PRDM12: variants seen among roughly 807,000 people sequenced by gnomAD.
PRDM12 encodes PR domain zinc finger protein 12.
In PRDM12, 17 loss-of-function variants were observed where a neutral mutation model predicts 29.6. The observed-to-expected ratio is 0.57, with a 90% CI of 0.39 to 0.86. The LOEUF (loss-of-function observed/expected upper bound fraction) is 0.86, where lower values mean the gene tolerates loss of function less well. PRDM12 is among the 40% of genes least tolerant of loss of function. The probability of loss-of-function intolerance (pLI) is 0.00; values close to 1 mark genes in which losing one functional copy is unlikely to be tolerated. For missense variants in PRDM12, 422 were observed against 510.8 expected, an observed-to-expected ratio of 0.83 and a Z score of 1.68; for synonymous variants, 231 against 225.8, an observed-to-expected ratio of 1.02 and a Z score of -0.21.
chr9:130,672,040 C>T (rs1830793773), intron 3 of PRDM12, among the ~76,000 whole-genome samples: 2 of 152,230 alleles, frequency 1.3e-5, no homozygotes, highest in South Asian at 2.1e-4. Context: ...GGGCGTGCAT[C>T]TGGCTGGATC....
intron 4 of PRDM12, among the ~76,000 whole-genome samples, chr9:130,680,659 ATT>A (rs767033169): frequency 0.046 from 3,309 of 72,004 alleles, 100 homozygotes; most frequent in Non-Finnish European, 0.059. Flanking sequence ...ATATATATAT[ATT>A]TTTTTTTTTT....
At chr9:130,678,058 G>A (rs953397987) in intron 3 of PRDM12, among the ~76,000 whole-genome samples, 1 of 152,026 alleles carries the variant, frequency 6.6e-6, no homozygotes, top group Admixed American at 6.6e-5. Flanking sequence ...TGGGAGCTTT[G>A]GATAAGAGAT....
In PRDM12 at chr9:130,668,593, G is replaced by T. The variant is rs2277186; in HGVS notation, c.570+280G>T. Among the ~76,000 whole-genome samples the T allele has an allele frequency of 0.069, 10,437 of 152,322 alleles. 498 individuals carry two copies. The highest frequency in any genetic ancestry group is 0.2 in the Middle Eastern group (59 of 294). On this transcript the variant is annotated intron_variant, in intron 3 of 4. Transcript: ENST00000253008. The surrounding 1 kb of genome is among the most constrained non-coding windows in gnomAD (Gnocchi z 4.0). ...GGAATGTCACGAGCATCTCCATAGT[G>T]AGGTCCCCAGATGTTGGCTGACAGT...
intron 3 of PRDM12, among the ~76,000 whole-genome samples, chr9:130,677,803 C>A (rs936879935): frequency 5.9e-5 from 9 of 152,202 alleles, no homozygotes; most frequent in African/African-American, 2.2e-4. Context: ...TGACCAACAT[C>A]CTTTGCCATG....
chr9:130,674,207 G>GTTTTT (rs1368149257), intron 3 of PRDM12, among the ~76,000 whole-genome samples: 13 of 151,220 alleles, frequency 8.6e-5, no homozygotes, highest in Non-Finnish European at 1.6e-4. Flanking sequence ...TAGAGACAGG[G>GTTTTT]TTTCACTATG....
In PRDM12 at chr9:130,668,082, G is replaced by A. The variant is rs1830749888; in HGVS notation, c.415-76G>A. 6.6e-7 allele frequency: 1 copy of A among 1,517,490 alleles called. No individual in the cohort carries two copies. The highest frequency in any genetic ancestry group is 9.1e-7 in the Non-Finnish European group (1 of 1,101,108). 94.0% of individuals were successfully genotyped at this position (1,517,490 alleles called of 1,614,324 possible). Reference sequence around the variant, plus strand: ...GGGCTGTTGTGAGGATGGAGAGTGTGTGTGTGGATGTGCCTGGAAGATGGT... The same window carrying A: ...GGGCTGTTGTGAGGATGGAGAGTGTATGTGTGGATGTGCCTGGAAGATGGT... On this transcript the variant is annotated intron_variant, in intron 2 of 4. Transcript: ENST00000253008. This position sits in a 1 kb window ranked among gnomAD's most constrained non-coding sequence, Gnocchi z 4.0.
intron 4 of PRDM12, among the ~76,000 whole-genome samples, chr9:130,679,105 T>C (rs1830869644): frequency 6.6e-6 from 1 of 152,188 alleles, no homozygotes; most frequent in African/African-American, 2.4e-5. Flanking sequence ...CGATGATGTC[T>C]GGTGCAGGGC....
chr9:130,668,251 G>C lies in PRDM12; in HGVS notation c.508G>C (p.Glu170Gln), dbSNP rs779851108. The part of the protein sequence containing the change: ...WMTYIKCARN[E>Q]QEQNLEVVQI... Reference sequence around the variant, plus strand: ...GACCTACATCAAGTGTGCACGTAACGAACAGGAGCAGAACCTGGAGGTGGT... The same window carrying C: ...GACCTACATCAAGTGTGCACGTAACCAACAGGAGCAGAACCTGGAGGTGGT... Residue 170 changes from glutamate to glutamine, a missense_variant, in exon 3 of 5, where the codon GAA becomes CAA. Around this residue, in one of 5 missense-constraint regions of PRDM12, gnomAD observed 300 missense variants for 350.0 expected, o/e 0.86. Transcript: ENST00000253008. This position sits in a 1 kb window ranked among gnomAD's most constrained non-coding sequence, Gnocchi z 4.0. 1 of 1,614,210 alleles carries C rather than the reference G, an allele frequency of 6.2e-7. No homozygotes were observed. The highest frequency in any genetic ancestry group is 8.5e-7 in the Non-Finnish European group (1 of 1,180,034).
chr9:130,669,650 C>A (rs1408175587), intron 3 of PRDM12, among the ~76,000 whole-genome samples: 7 of 150,470 alleles, frequency 4.7e-5, no homozygotes, highest in African/African-American at 1.7e-4. Context: ...CCCGTCTCTA[C>A]TAAAAAATAC....
chr9:130,665,210 C>T (rs1427446958), intron 1 of PRDM12, among the ~76,000 whole-genome samples: 2 of 152,046 alleles, frequency 1.3e-5, no homozygotes, highest in Admixed American at 6.5e-5. Context: ...TAGCAGTTGA[C>T]TCAAAAAGAA....
chr9:130,669,815 C>CAAAA (rs55753417), intron 3 of PRDM12, among the ~76,000 whole-genome samples: 1 of 44,052 alleles, frequency 2.3e-5, no homozygotes, highest in African/African-American at 7.2e-5. Context: ...GACTCCATCT[C>CAAAA]AAAAAAAAAA....
At chr9:130,667,322 G>A (rs547500071) in intron 2 of PRDM12, among the ~76,000 whole-genome samples, 4 of 152,256 alleles carry the variant, frequency 2.6e-5, no homozygotes, top group South Asian at 2.1e-4. Flanking sequence ...CTGCAGTCAC[G>A]GATGACCTCA....
At chr9:130,666,899 G>T in intron 2 of PRDM12, 101 bp downstream of exon 2, 1 of 1,447,108 alleles carries the variant, frequency 6.9e-7, no homozygotes, top group Non-Finnish European at 9.2e-7. Flanking sequence ...CCCGGGCTGA[G>T]AGCGGCGGAC....
rs1190228891 is a variant in PRDM12, at chr9:130,681,789, C to A, written c.*120C>A. ...CGGCGCCGCCGCGGAGCCCCGCGCG[C>A]TGGGGTTGCGCCCCGGAGGCGGATC... On this transcript the variant is annotated 3_prime_UTR_variant, in exon 5 of 5. Coordinates refer to ENST00000253008, the MANE Select transcript of PRDM12 (RefSeq NM_021619.3). The surrounding 1 kb of genome is among the most constrained non-coding windows in gnomAD (Gnocchi z 8.1). 8 of 897,264 alleles carry A rather than the reference C, an allele frequency of 8.9e-6. No homozygotes were observed. Among genetic ancestry groups the A allele is most frequent in the African/African-American group, 1.8e-5 (1 of 55,336 alleles). The allele number at this position is 897,264 out of a possible 1,614,324, so 55.6% of individuals were successfully genotyped here. A position where few individuals can be genotyped will look rare whatever the true frequency, so the allele number is the denominator to read the frequency against.
At chr9:130,680,110 G>A (rs1259024483) in intron 4 of PRDM12, among the ~76,000 whole-genome samples, 1 of 151,590 alleles carries the variant, frequency 6.6e-6, no homozygotes, top group African/African-American at 2.4e-5. Context: ...GCAGAGACAG[G>A]AGGATCACTC....
intron 1 of PRDM12, among the ~76,000 whole-genome samples, chr9:130,666,006 GA>G: frequency 6.6e-6 from 1 of 152,214 alleles, no homozygotes; most frequent in African/African-American, 2.4e-5. Context: ...TGGGAGCAGA[GA>G]GGGACTCGGG....
chr9:130,682,895 A>G lies in PRDM12; in HGVS notation c.*1226A>G, dbSNP rs2027386. 152,627 of 152,814 alleles carry G rather than the reference A, an allele frequency of 1. 76,220 individuals carry two copies. The highest frequency in any genetic ancestry group is 1 in the Middle Eastern group (294 of 294). 9.5% of individuals were successfully genotyped at this position (152,814 alleles called of 1,614,324 possible). A position where few individuals can be genotyped will look rare whatever the true frequency, so the allele number is the denominator to read the frequency against. ...TCTAAAATGATATTTACAAAACTGT[A>G]ATATATTATTATTTGATTGTATATG... On this transcript the variant is annotated 3_prime_UTR_variant, in exon 5 of 5. Transcript: ENST00000253008. The surrounding 1 kb of genome is among the most constrained non-coding windows in gnomAD (Gnocchi z 4.2).
At chr9:130,665,122 C>T (rs1038134059) in intron 1 of PRDM12, among the ~76,000 whole-genome samples, 1 of 152,132 alleles carries the variant, frequency 6.6e-6, no homozygotes, top group Non-Finnish European at 1.5e-5. Context: ...GGCCCCGACG[C>T]CCCCGCCGGC....
rs200784889 is a variant in PRDM12, at chr9:130,664,845, C to G, written c.192C>G (p.Thr64=). 1.9e-6 allele frequency: 3 copies of G among 1,548,596 alleles called. No individual in the cohort carries two copies. The highest frequency in any genetic ancestry group is 4.9e-5 in the East Asian group (2 of 41,134). The change falls in exon 1 of 5, where the codon ACC becomes ACG. Residue 64 remains threonine, a synonymous_variant. Transcript: ENST00000253008. The surrounding 1 kb of genome is among the most constrained non-coding windows in gnomAD (Gnocchi z 6.4). Reference sequence around the variant, plus strand: ...ACGCCAGCCCCAAGACAGCCTTCACCGCCGAGGTGCTGGCGCAGTCCTTCT... The same window carrying G: ...ACGCCAGCCCCAAGACAGCCTTCACGGCCGAGGTGCTGGCGCAGTCCTTCT... ...SHHASPKTAF[T]AEVLAQSFSG... is the part of the protein sequence containing the mutation.
Sources: gnomAD v4.1 joint callset for allele counts (sites outside exome capture counted in the v4.1 genomes callset) on GRCh38, gnomAD v4.1.1 for gene constraint, gnomAD v4.1.1 regional missense constraint, Gnocchi (gnomAD v3.1) non-coding constraint, MANE v1.5 for transcripts, NCBI Gene and HGNC (gene_info 2026-07-23, HGNC 2026-07-21) for gene names.